The following EYS variants were observed in gnomAD, a reference collection of about 807,000 sequenced individuals.
EYS encodes the protein protein eyes shut homolog.
In EYS, 250 loss-of-function variants were observed where a neutral mutation model predicts 282.1. The ratio of observed to expected loss-of-function variants is 0.89; its 90% confidence interval spans 0.80 to 0.98. EYS has a LOEUF of 0.98. EYS is among the 50% of genes least tolerant of loss of function. The pLI is 0.00. For synonymous variants in EYS, 1,355 were observed against 1,282.9 expected (o/e 1.06, Z -1.20); for missense variants, 4,016 against 3,709.0 (o/e 1.08, Z -2.15).
At position 65,518,373 on chromosome 6, in the gene EYS, A is replaced by T. The variant is rs545592957; in HGVS notation, c.-332-22380T>A. Among the ~76,000 whole-genome samples, 5 of 152,210 alleles carry T rather than the reference A, an allele frequency of 3.3e-5. No individual in the cohort carries two copies. In the South Asian group the frequency reaches 1.0e-3, roughly 32 times the overall value. ...CCAAAAAGGGCAGGCAATACATCTCAGTTTTTGTATGTGTATTTCACTAGT... is the reference window on the plus strand; with the variant it reads ...CCAAAAAGGGCAGGCAATACATCTCTGTTTTTGTATGTGTATTTCACTAGT... On this transcript the variant is annotated intron_variant, in intron 2 of 42. Transcript: ENST00000503581.
At chr6:65,586,338 G>T (rs1253458708) in intron 2 of EYS, among the ~76,000 whole-genome samples, 1 of 151,910 alleles carries the variant, frequency 6.6e-6, no homozygotes, top group African/African-American at 2.4e-5. Flanking sequence ...TTTAAAACAA[G>T]AATTAAAAAC....
At chr6:64,865,454 G>A (rs1307775306) in intron 19 of EYS, among the ~76,000 whole-genome samples, 4 of 152,062 alleles carry the variant, frequency 2.6e-5, no homozygotes, top group African/African-American at 4.8e-5. Context: ...GAGAAAAAAC[G>A]AAGTGTTTTC....
intron 1 of EYS, among the ~76,000 whole-genome samples, chr6:65,665,262 G>A (rs1768155962): frequency 1.3e-5 from 2 of 152,142 alleles, no homozygotes; most frequent in Admixed American, 1.3e-4. Flanking sequence ...AGTCTTATTT[G>A]TGCTATGAGA....
intron 28 of EYS, among the ~76,000 whole-genome samples, chr6:64,393,325 CA>C (rs980722366): frequency 6.6e-6 from 1 of 151,874 alleles, no homozygotes; most frequent in Non-Finnish European, 1.5e-5. Flanking sequence ...AGAGATACAA[CA>C]AAAAAAGAGA....
intron 5 of EYS, among the ~76,000 whole-genome samples, chr6:65,484,778 A>G (rs1018880772): frequency 6.6e-6 from 1 of 152,306 alleles, no homozygotes; most frequent in South Asian, 2.1e-4. Flanking sequence ...TGTTCTTGCT[A>G]TAGAGGTTTG....
chr6:65,085,590 T>C (rs1774341844), intron 12 of EYS, among the ~76,000 whole-genome samples: 1 of 152,136 alleles, frequency 6.6e-6, no homozygotes, highest in African/African-American at 2.4e-5. Context: ...ATAACTGAAA[T>C]ATGCCCAGAA....
chr6:65,238,598 G>A (rs747696630), intron 12 of EYS, among the ~76,000 whole-genome samples: 58 of 151,852 alleles, frequency 3.8e-4, no homozygotes, highest in Non-Finnish European at 2.2e-4. Context: ...GTGTACGAAA[G>A]CACTTTTAAA....
intron 8 of EYS, among the ~76,000 whole-genome samples, chr6:65,367,554 C>T (rs1181225262): frequency 1.3e-5 from 2 of 151,516 alleles, no homozygotes; most frequent in Non-Finnish European, 2.9e-5. Flanking sequence ...AAGCATTGCA[C>T]TAATTTGAAT....
chr6:65,322,913 C>G (rs547515374), intron 11 of EYS, among the ~76,000 whole-genome samples: 3 of 151,054 alleles, frequency 2.0e-5, no homozygotes, highest in African/African-American at 7.3e-5. Flanking sequence ...GAAAAAAGCA[C>G]ATCCTGCTAT....
At chr6:64,079,565 T>G (rs1771889665) in intron 32 of EYS, among the ~76,000 whole-genome samples, 1 of 152,060 alleles carries the variant, frequency 6.6e-6, no homozygotes. Flanking sequence ...TGTTTTTTAT[T>G]TTTTATTTTT....
At chr6:64,448,489 G>T (rs891822898) in intron 26 of EYS, among the ~76,000 whole-genome samples, 7 of 152,188 alleles carry the variant, frequency 4.6e-5, no homozygotes. Flanking sequence ...GTCCCTGTCC[G>T]ATAGCTTTGA....
At chr6:64,384,279 T>A (rs964030663) in intron 29 of EYS, among the ~76,000 whole-genome samples, 4 of 152,160 alleles carry the variant, frequency 2.6e-5, no homozygotes, top group African/African-American at 7.2e-5. Flanking sequence ...TTAAAAAAAA[T>A]TAAATTGTTA....
In EYS at chr6:63,843,420, C is replaced by T. The variant is rs569971585; in HGVS notation, c.7228+20766G>A. 2.0e-5 allele frequency among the ~76,000 whole-genome samples: 3 copies of T among 152,114 alleles called. No individual in the cohort carries two copies. In the East Asian group the frequency reaches 5.8e-4, roughly 29 times the overall value. On this transcript the variant is annotated intron_variant, in intron 36 of 42. Transcript: ENST00000503581. Reference sequence around the variant, plus strand: ...TGGCTGTTTGTCTATTATTGGTGTACAGGAATGCTTGTAATTTTCGCACAT... The same window carrying T: ...TGGCTGTTTGTCTATTATTGGTGTATAGGAATGCTTGTAATTTTCGCACAT...
intron 13 of EYS, among the ~76,000 whole-genome samples, chr6:65,047,969 A>G (rs1201266302): frequency 6.6e-6 from 1 of 151,804 alleles, no homozygotes; most frequent in Non-Finnish European, 1.5e-5. Context: ...GAGGTGATAA[A>G]TGTATTTGCA....
chr6:63,938,399 C>A lies in EYS; in HGVS notation c.7055+45984G>T, dbSNP rs138538389. 6.0e-3 allele frequency among the ~76,000 whole-genome samples: 909 copies of A among 152,292 alleles called. 6 individuals carry two copies. The highest frequency in any genetic ancestry group is 0.021 in the African/African-American group (869 of 41,556). On this transcript the variant is annotated intron_variant, in intron 35 of 42. Transcript: ENST00000503581. The stretch of plus-strand genomic sequence containing the variant: ...CAGGTTCTAAGGAAACAGGGCTCTG[C>A]AGAATTGTAACTAACTTCTGGATGC...
intron 19 of EYS, among the ~76,000 whole-genome samples, chr6:64,860,261 C>T (rs1766194734): frequency 6.6e-6 from 1 of 152,246 alleles, no homozygotes; most frequent in Non-Finnish European, 1.5e-5. Flanking sequence ...GCCAGTGGTG[C>T]CATTGCCCAA....
intron 33 of EYS, among the ~76,000 whole-genome samples, chr6:64,016,710 A>G (rs1768910257): frequency 6.6e-6 from 1 of 151,850 alleles, no homozygotes; most frequent in East Asian, 1.9e-4. Flanking sequence ...TACTGTGCTC[A>G]AGCTATCTGC....
At chr6:65,524,651 T>A (rs1453547256) in intron 2 of EYS, among the ~76,000 whole-genome samples, 3 of 152,206 alleles carry the variant, frequency 2.0e-5, no homozygotes, top group Non-Finnish European at 4.4e-5. Flanking sequence ...TCTATGAGTG[T>A]GGTTTCACTG....
intron 10 of EYS, among the ~76,000 whole-genome samples, chr6:65,343,638 G>C (rs1331756621): frequency 6.6e-6 from 1 of 150,886 alleles, no homozygotes; most frequent in Admixed American, 6.6e-5. Context: ...TTTTTAAGTA[G>C]CTTGCTCGTG....
Sources: allele counts gnomAD v4.1 joint callset (sites outside exome capture counted in the v4.1 genomes callset), GRCh38; gene constraint gnomAD v4.1.1; transcripts MANE v1.5; gene names NCBI Gene and HGNC (gene_info 2026-07-23, HGNC 2026-07-21).